The following TBX20 variants were observed in gnomAD, a reference collection of about 807,000 sequenced individuals.
TBX20 encodes the protein T-box transcription factor TBX20.
In TBX20, 8 loss-of-function variants were observed where a neutral mutation model predicts 42.9. That is an observed-to-expected ratio of 0.19 (90% CI 0.11 to 0.34). The LOEUF (loss-of-function observed/expected upper bound fraction) is 0.34, where lower values mean the gene tolerates loss of function less well. Ranked by LOEUF, TBX20 falls within the 10% of genes least tolerant of loss-of-function variation. The probability of loss-of-function intolerance (pLI) is 1.00; values close to 1 mark genes in which losing one functional copy is unlikely to be tolerated. For missense variants in TBX20, 411 were observed against 566.0 expected (o/e 0.73, Z 2.78); for synonymous variants, 198 against 222.8 (o/e 0.89, Z 0.99).
chr7:35,221,843 C>A lies in TBX20; in HGVS notation c.890+9661G>T, dbSNP rs185299021. On this transcript the variant is annotated intron_variant, in intron 6 of 7. Transcript: ENST00000408931. ...TAAATTAAAAATAATTGTGGCCAAT[C>A]TATCACAATCCTGATGTTCGTTAAG... Among the ~76,000 whole-genome samples the A allele has an allele frequency of 3.3e-5, 5 of 152,290 alleles. No individual in the cohort carries two copies. The East Asian group carries it at 9.6e-4, about 29-fold the overall frequency.
chr7:35,203,131 G>A (rs1354502017), intron 7 of TBX20, among the ~76,000 whole-genome samples: 1 of 152,088 alleles, frequency 6.6e-6, no homozygotes, highest in African/African-American at 2.4e-5. Context: ...TCCTAAGGAA[G>A]GCTGAATGTA....
chr7:35,237,824 G>A (rs1187086266), intron 5 of TBX20, among the ~76,000 whole-genome samples: 4 of 151,874 alleles, frequency 2.6e-5, no homozygotes, highest in Admixed American at 6.6e-5. Flanking sequence ...GATCATCATC[G>A]TGTTACACTT....
intron 1 of TBX20, among the ~76,000 whole-genome samples, chr7:35,252,232 G>A (rs907086347): frequency 2.0e-5 from 3 of 152,068 alleles, no homozygotes; most frequent in African/African-American, 7.3e-5. Context: ...TTGAGAAGTC[G>A]CACAATATAA....
chr7:35,209,736 T>G (rs1789461504), intron 6 of TBX20, among the ~76,000 whole-genome samples: 1 of 152,232 alleles, frequency 6.6e-6, no homozygotes. Flanking sequence ...TTTCTTGAGA[T>G]GGAAGATGAG....
At chr7:35,210,734 G>T (rs1369812936) in intron 6 of TBX20, among the ~76,000 whole-genome samples, 1 of 151,932 alleles carries the variant, frequency 6.6e-6, no homozygotes, top group Non-Finnish European at 1.5e-5. Flanking sequence ...CAAAATTATT[G>T]TTAACATGCT....
Position 35,250,092 on chromosome 7 carries a change from A to C in TBX20, c.239T>G (p.Leu80Arg). ...GGTGGGGATCAGTGGCTCAGTGCAC[A>C]GAGAGGAGGAGGACGGGCTGCTGCC... ...GSGSSPSSSS[L>R]CTEPLIPTTP... Residue 80 changes from leucine (L) to arginine (R), a missense_variant, in exon 2 of 8, where the codon CTG becomes CGG. Transcript: ENST00000408931. The C allele has an allele frequency of 6.2e-7, 1 of 1,613,854 alleles. No homozygotes were observed. The highest frequency in any genetic ancestry group is 1.1e-5 in the South Asian group (1 of 90,992).
At chr7:35,241,580 G>T (rs1790082579) in intron 4 of TBX20, among the ~76,000 whole-genome samples, 1 of 152,182 alleles carries the variant, frequency 6.6e-6, no homozygotes, top group Non-Finnish European at 1.5e-5. Flanking sequence ...TTTCTCATAT[G>T]CAGAAACAGT....
intron 6 of TBX20, among the ~76,000 whole-genome samples, chr7:35,214,850 TCA>T (rs1789554936): frequency 6.6e-6 from 1 of 152,202 alleles, no homozygotes; most frequent in Non-Finnish European, 1.5e-5. Context: ...AGAACTTGTT[TCA>T]ATATCTTGGA....
chr7:35,216,237 T>A (rs1228002607), intron 6 of TBX20, among the ~76,000 whole-genome samples: 1 of 152,154 alleles, frequency 6.6e-6, no homozygotes, highest in African/African-American at 2.4e-5. Context: ...AGTTTCTGTC[T>A]CAGTAGGTCT....
At chr7:35,224,748 A>C (rs1789742813) in intron 6 of TBX20, among the ~76,000 whole-genome samples, 1 of 152,232 alleles carries the variant, frequency 6.6e-6, no homozygotes, top group African/African-American at 2.4e-5. Context: ...AATGTCATTT[A>C]AAATTTTTAA....
At chr7:35,223,097 GATT>G (rs1468728235) in intron 6 of TBX20, among the ~76,000 whole-genome samples, 3 of 126,404 alleles carry the variant, frequency 2.4e-5, no homozygotes, top group Non-Finnish European at 5.0e-5. Context: ...GGACTAGAAG[GATT>G]AGTTGACAAG....
intron 6 of TBX20, among the ~76,000 whole-genome samples, chr7:35,210,114 C>CT (rs1254082002): frequency 0.027 from 3,388 of 127,606 alleles, 89 homozygotes; most frequent in African/African-American, 0.051. Context: ...ATAATATTTT[C>CT]TTTTTTTTTT....
At chr7:35,216,005 C>T (rs1311818610) in intron 6 of TBX20, among the ~76,000 whole-genome samples, 1 of 152,200 alleles carries the variant, frequency 6.6e-6, no homozygotes, top group African/African-American at 2.4e-5. Flanking sequence ...CTCACATTCT[C>T]CTTTGCAACA....
At chr7:35,252,518 T>A (rs1470576751) in intron 1 of TBX20, among the ~76,000 whole-genome samples, 1 of 151,636 alleles carries the variant, frequency 6.6e-6, no homozygotes, top group Non-Finnish European at 1.5e-5. Context: ...ACTTCCTTTT[T>A]TTCATGTTAT....
intron 5 of TBX20, among the ~76,000 whole-genome samples, chr7:35,238,837 C>A (rs1475584576): frequency 1.3e-5 from 2 of 150,090 alleles, no homozygotes; most frequent in African/African-American, 4.9e-5. Context: ...GTAAGATGAT[C>A]GGCATGATAA....
At chr7:35,223,750 G>A (rs1453784935) in intron 6 of TBX20, among the ~76,000 whole-genome samples, 2 of 152,138 alleles carry the variant, frequency 1.3e-5, no homozygotes, top group African/African-American at 4.8e-5. Context: ...CTCAGAGGCA[G>A]AGTAGAAGAC....
rs768576088 is a variant in TBX20 at position 35,245,000 on chromosome 7, C to T, written c.603G>A (p.Val201=). ...FTGEQLLKQM[V]SFEKVKLTNN... ...TGGTGAGTTTCACCTTTTCAAAAGA[C>T]ACCATCTGTTTGAGTAGTTGCTCAC... The change falls in exon 4 of 8, where the codon GTG becomes GTA. Residue 201 remains valine (V), a synonymous_variant. Transcript: ENST00000408931. 1.2e-6 allele frequency: 2 copies of T among 1,613,836 alleles called. No individual in the cohort carries two copies. Among genetic ancestry groups the T allele is most frequent in the Admixed American group, 1.7e-5 (1 of 60,008 alleles).
intron 6 of TBX20, among the ~76,000 whole-genome samples, chr7:35,205,273 T>C (rs756564230): frequency 2.0e-5 from 3 of 151,880 alleles, no homozygotes; most frequent in Non-Finnish European, 2.9e-5. Flanking sequence ...TCCTGTAACA[T>C]AGTCTATCAA....
chr7:35,218,018 C>T (rs1431192592), intron 6 of TBX20, among the ~76,000 whole-genome samples: 2 of 152,184 alleles, frequency 1.3e-5, no homozygotes, highest in Admixed American at 6.5e-5. Context: ...TTGCGCCCGG[C>T]CCAAAAGCAG....
Sources: gnomAD v4.1 joint callset for allele counts (sites outside exome capture counted in the v4.1 genomes callset) on GRCh38, gnomAD v4.1.1 for gene constraint, MANE v1.5 for transcripts, NCBI Gene and HGNC (gene_info 2026-07-23, HGNC 2026-07-21) for gene names.